The following FOCAD variants were observed in gnomAD, a reference collection of about 807,000 sequenced individuals.
FOCAD encodes the protein KIAA1797.
In FOCAD, 198 loss-of-function variants were observed where a neutral mutation model predicts 225.6. That is an observed-to-expected ratio of 0.88 (90% CI 0.78 to 0.99). FOCAD has a LOEUF of 0.99. Ranked by LOEUF, FOCAD falls within the 50% of genes least tolerant of loss-of-function variation. The pLI, the probability that FOCAD is intolerant of heterozygous loss-of-function variation, is 0.00. For synonymous variants in FOCAD, 897 were observed against 755.0 expected (o/e 1.19, Z -3.08); for missense variants, 2,713 against 2,123.6 (o/e 1.28, Z -5.46).
At chr9:20,947,568 A>T (rs1268017092) in intron 30 of FOCAD, among the ~76,000 whole-genome samples, 3 of 152,098 alleles carry the variant, frequency 2.0e-5, no homozygotes, top group Non-Finnish European at 1.5e-5. Flanking sequence ...CTGGAGATGG[A>T]TGGTGGTATT....
At chr9:20,730,499 T>G (rs1826596207) in intron 4 of FOCAD, among the ~76,000 whole-genome samples, 1 of 152,204 alleles carries the variant, frequency 6.6e-6, no homozygotes, top group Non-Finnish European at 1.5e-5. Flanking sequence ...TAAACATACT[T>G]GATGTATTTC....
chr9:20,675,648 G>A (rs1419868145), intron 2 of FOCAD, among the ~76,000 whole-genome samples: 1 of 152,170 alleles, frequency 6.6e-6, no homozygotes, highest in Non-Finnish European at 1.5e-5. Context: ...TGTTGGCCAA[G>A]CAAAGAAAGC....
intron 4 of FOCAD, among the ~76,000 whole-genome samples, chr9:20,732,092 A>C (rs992901436): frequency 2.0e-5 from 3 of 152,028 alleles, no homozygotes; most frequent in Admixed American, 6.6e-5. Context: ...TCTTTTCCCT[A>C]ATGCTCTCCT....
At chr9:20,712,423 G>T (rs888113337) in intron 1 of FOCAD, among the ~76,000 whole-genome samples, 2 of 152,142 alleles carry the variant, frequency 1.3e-5, no homozygotes, top group African/African-American at 4.8e-5. Context: ...ACTTTGGGAG[G>T]CCGAGGCGGG....
rs566189230 is a variant in FOCAD at position 20,789,347 on chromosome 9, T to C, written c.1198-4T>C. The C allele has an allele frequency of 6.2e-7, 1 of 1,606,306 alleles. No individual in the cohort carries two copies. Among genetic ancestry groups the C allele is most frequent in the African/African-American group, 1.3e-5 (1 of 74,908 alleles). ...TTTATGCCTCTCTTGTCTTTATTTT[T>C]CAGCTCTCCTACAAGCTTGTGTGCC... On this transcript the variant is annotated splice_polypyrimidine_tract_variant and splice_region_variant and intron_variant, in intron 10 of 43. Transcript: ENST00000338382.
rs112790845 is a variant in FOCAD at position 20,944,833 on chromosome 9, C to G, written c.3555+59C>G. 3.1e-5 allele frequency: 47 copies of G among 1,515,830 alleles called. 2 individuals carry two copies. The African/African-American group carries it at 3.7e-4, about 12-fold the overall frequency. The allele number at this position is 1,515,830 out of a possible 1,614,324, so 93.9% of individuals were successfully genotyped here. A position where few individuals can be genotyped will look rare whatever the true frequency, so the allele number is the denominator to read the frequency against. Reference sequence around the variant, plus strand: ...GCTCTCTTTTGTTTTCTTCTTGCCACTTATTTTGGACTTACCATATTTTGG... The same window carrying G: ...GCTCTCTTTTGTTTTCTTCTTGCCAGTTATTTTGGACTTACCATATTTTGG... On this transcript the variant is annotated intron_variant, in intron 29 of 43. Transcript: ENST00000338382.
chr9:20,986,218 G>GCC, intron 39 of FOCAD, 70 bp from the exon 40 acceptor site: 1 of 1,338,076 alleles, frequency 7.5e-7, no homozygotes, highest in Non-Finnish European at 9.7e-7. Flanking sequence ...TTTTGCCCTT[G>GCC]CCCTGAAATT....
chr9:20,698,528 G>A (rs1289635603), intron 1 of FOCAD, among the ~76,000 whole-genome samples: 1 of 152,080 alleles, frequency 6.6e-6, no homozygotes, highest in Non-Finnish European at 1.5e-5. Flanking sequence ...AGCCTCCTGA[G>A]TAACTGAGAC....
At chr9:20,695,870 A>G (rs1031505874) in intron 1 of FOCAD, among the ~76,000 whole-genome samples, 3 of 152,254 alleles carry the variant, frequency 2.0e-5, no homozygotes, top group Admixed American at 6.5e-5. Context: ...CTAAGCACAC[A>G]CATTTTAACA....
At chr9:20,990,007 C>A in intron 41 of FOCAD, 116 bp from the exon 42 acceptor site, 1 of 1,204,664 alleles carries the variant, frequency 8.3e-7, no homozygotes, top group South Asian at 1.4e-5. Flanking sequence ...GCAGGAGGGA[C>A]TGGTTGGGTG....
chr9:20,776,438 C>G (rs947866749), intron 8 of FOCAD, among the ~76,000 whole-genome samples: 19 of 152,202 alleles, frequency 1.2e-4, no homozygotes, highest in Non-Finnish European at 2.1e-4. Context: ...TTAAATGGTA[C>G]TATCCTTTGG....
rs796928724 is a variant in FOCAD at position 20,675,044 on chromosome 9, A to G, written c.-78+16218A>G. 5.3e-5 allele frequency among the ~76,000 whole-genome samples: 8 copies of G among 152,320 alleles called. 1 individual carries two copies. The highest frequency in any genetic ancestry group is 1.9e-4 in the African/African-American group (8 of 41,560). On this transcript the variant is annotated intron_variant, in intron 2 of 45. Coordinates refer to the FOCAD transcript ENST00000380249. ...AATGCAAGAGCCACAGTCAAGGGCA[A>G]TTGACTTCTTCCTTGTAAGACCCTC... is the stretch of plus-strand genomic sequence containing the variant.
chr9:20,772,715 G>T (rs1444538252), intron 8 of FOCAD, among the ~76,000 whole-genome samples: 2 of 152,038 alleles, frequency 1.3e-5, no homozygotes, highest in Non-Finnish European at 2.9e-5. Context: ...AGTGTGAATG[G>T]CAGGTGAGGA....
chr9:20,751,154 AT>A (rs71496857), intron 5 of FOCAD, among the ~76,000 whole-genome samples: 43,848 of 145,558 alleles, frequency 0.3, 6,930 homozygotes, highest in East Asian at 0.5. Flanking sequence ...CTCCACTTCC[AT>A]TTTTTTTTTT....
At chr9:20,798,900 T>C (rs1270486946) in intron 11 of FOCAD, among the ~76,000 whole-genome samples, 2 of 152,212 alleles carry the variant, frequency 1.3e-5, no homozygotes, top group African/African-American at 4.8e-5. Context: ...CTTTTGAATG[T>C]GTTTGCTCTT....
chr9:20,663,321 C>T (rs1821791779), intron 2 of FOCAD, among the ~76,000 whole-genome samples: 1 of 152,120 alleles, frequency 6.6e-6, no homozygotes, highest in African/African-American at 2.4e-5. Flanking sequence ...TCATGCACTG[C>T]ACTCCAGCCT....
chr9:20,918,905 C>T (rs1229157170), intron 24 of FOCAD, among the ~76,000 whole-genome samples: 1 of 152,146 alleles, frequency 6.6e-6, no homozygotes, highest in Non-Finnish European at 1.5e-5. Context: ...CACTGGCTTC[C>T]TCCAACATGA....
chr9:20,921,996 C>G (rs1466371743), intron 24 of FOCAD, among the ~76,000 whole-genome samples: 2 of 152,144 alleles, frequency 1.3e-5, no homozygotes, highest in Non-Finnish European at 2.9e-5. Flanking sequence ...GTTTTTAAAA[C>G]TCACCTTTAG....
At chr9:20,773,142 A>G (rs1818402856) in intron 8 of FOCAD, among the ~76,000 whole-genome samples, 2 of 152,220 alleles carry the variant, frequency 1.3e-5, no homozygotes, top group African/African-American at 4.8e-5. Context: ...AGTAGCAAGT[A>G]TAATTTCATA....
Sources: allele counts gnomAD v4.1 joint callset (sites outside exome capture counted in the v4.1 genomes callset), GRCh38; gene constraint gnomAD v4.1.1; transcripts MANE v1.5; gene names NCBI Gene and HGNC (gene_info 2026-07-23, HGNC 2026-07-21).